Variants in CCSER1 observed in about 807,000 individuals in gnomAD.
CCSER1 encodes serine-rich coiled-coil domain-containing protein 1.
CCSER1 carries 41 observed loss-of-function variants against 82.0 expected under a neutral mutation model. The observed-to-expected ratio is 0.50, with a 90% CI of 0.39 to 0.65. CCSER1 has a LOEUF of 0.65. Among genes scored for constraint, CCSER1 ranks in the 30% least tolerant of loss-of-function variants. The pLI, the probability that CCSER1 is intolerant of heterozygous loss-of-function variation, is 0.00. For synonymous variants in CCSER1, 414 were observed against 383.9 expected, an observed-to-expected ratio of 1.08 and a Z score of -0.92; for missense variants, 1,119 against 1,064.2, an observed-to-expected ratio of 1.05 and a Z score of -0.72.
At chr4:90,156,186 G>A (rs921426072) in intron 1 of CCSER1, among the ~76,000 whole-genome samples, 6 of 152,054 alleles carry the variant, frequency 3.9e-5, no homozygotes, top group Non-Finnish European at 7.4e-5. Flanking sequence ...AGCAGTTTTG[G>A]GTGAGTTTCT....
At chr4:90,931,738 C>A (rs1729847314) in intron 9 of CCSER1, among the ~76,000 whole-genome samples, 1 of 152,054 alleles carries the variant, frequency 6.6e-6, no homozygotes, top group African/African-American at 2.4e-5. Context: ...GATTTAGATG[C>A]ACAAAAAGGG....
intron 9 of CCSER1, among the ~76,000 whole-genome samples, chr4:90,964,511 G>C (rs112728034): frequency 6.6e-6 from 1 of 151,324 alleles, no homozygotes; most frequent in African/African-American, 2.5e-5. Flanking sequence ...AGATCACGAG[G>C]TCAGGAGATC....
chr4:90,770,088 G>T (rs947981761), intron 7 of CCSER1, among the ~76,000 whole-genome samples: 8 of 152,172 alleles, frequency 5.3e-5, no homozygotes, highest in African/African-American at 9.6e-5. Flanking sequence ...TCCTGGGAAT[G>T]CTTCCATGTC....
chr4:91,548,764 C>G lies in CCSER1; in HGVS notation c.2218-49808C>G, dbSNP rs192586561. On this transcript the variant is annotated intron_variant, in intron 10 of 10. Transcript: ENST00000509176. ...TTCTCTGTAGGTAAAGTGTCTCCCC[C>G]ACACCATCCCCCTGGCTTCTTTTGT... Among the ~76,000 whole-genome samples the G allele has an allele frequency of 1.5e-3, 223 of 152,104 alleles. 2 individuals carry two copies. The highest frequency in any genetic ancestry group is 5.1e-3 in the African/African-American group (213 of 41,510).
At chr4:90,422,430 CAAAACAT>C (rs1756838259) in intron 4 of CCSER1, among the ~76,000 whole-genome samples, 1 of 151,950 alleles carries the variant, frequency 6.6e-6, no homozygotes, top group Admixed American at 6.6e-5. Flanking sequence ...CTCATCTTTA[CAAAACAT>C]AAAAGAAATT....
chr4:91,219,193 A>G (rs1737533169), intron 10 of CCSER1, among the ~76,000 whole-genome samples: 1 of 151,574 alleles, frequency 6.6e-6, no homozygotes, highest in Non-Finnish European at 1.5e-5. Flanking sequence ...CTCAAAATTC[A>G]TTTTCAAATA....
At chr4:91,110,059 G>T (rs2148869780) in intron 10 of CCSER1, among the ~76,000 whole-genome samples, 1 of 151,998 alleles carries the variant, frequency 6.6e-6, no homozygotes, top group East Asian at 1.9e-4. Flanking sequence ...GCAAATTAAA[G>T]AAATTTAGCA....
intron 8 of CCSER1, among the ~76,000 whole-genome samples, chr4:90,826,928 G>A (rs970763523): frequency 5.3e-5 from 8 of 152,282 alleles, no homozygotes; most frequent in African/African-American, 1.9e-4. Context: ...TACTGGCAAA[G>A]CCGGTCCCCC....
chr4:90,263,640 A>G (rs111477746), intron 1 of CCSER1, among the ~76,000 whole-genome samples: 6,808 of 151,912 alleles, frequency 0.045, 396 homozygotes, highest in African/African-American at 0.13. Context: ...GAGTTGATTG[A>G]CCTCCAACAG....
intron 10 of CCSER1, among the ~76,000 whole-genome samples, chr4:91,502,352 T>C (rs1335883308): frequency 6.6e-6 from 1 of 152,192 alleles, no homozygotes; most frequent in Non-Finnish European, 1.5e-5. Context: ...ATCCTTACAA[T>C]ACATAGTGTA....
chr4:91,347,730 C>G (rs952504924), intron 10 of CCSER1, among the ~76,000 whole-genome samples: 2 of 151,696 alleles, frequency 1.3e-5, no homozygotes, highest in Non-Finnish European at 2.9e-5. Flanking sequence ...TTGAGATGTA[C>G]TAATTTAAAT....
chr4:91,382,207 C>T (rs1750955004), intron 10 of CCSER1, among the ~76,000 whole-genome samples: 1 of 152,080 alleles, frequency 6.6e-6, no homozygotes, highest in African/African-American at 2.4e-5. Flanking sequence ...GGGAGAACCA[C>T]TACTCTCTTC....
chr4:91,017,557 CTGTCATTTGA>C (rs1409779185), intron 9 of CCSER1, among the ~76,000 whole-genome samples: 2 of 152,060 alleles, frequency 1.3e-5, no homozygotes, highest in African/African-American at 4.8e-5. Context: ...TATTCTTAAC[CTGTCATTTGA>C]ATATGTCAGA....
chr4:91,246,795 A>T (rs953488644), intron 10 of CCSER1, among the ~76,000 whole-genome samples: 2 of 150,718 alleles, frequency 1.3e-5, no homozygotes, highest in African/African-American at 4.9e-5. Context: ...CAGAAAATTT[A>T]AAAAAAGGCA....
At chr4:91,113,963 C>T (rs958166102) in intron 10 of CCSER1, among the ~76,000 whole-genome samples, 8 of 152,046 alleles carry the variant, frequency 5.3e-5, no homozygotes, top group African/African-American at 1.4e-4. Flanking sequence ...CGCCGTTCTC[C>T]TGCCTCAGCC....
chr4:90,729,810 A>T lies in CCSER1; in HGVS notation c.2010+5819A>T, dbSNP rs562240082. 6.1e-3 allele frequency among the ~76,000 whole-genome samples: 925 copies of T among 152,298 alleles called. 6 individuals are homozygous for T. Among genetic ancestry groups the T allele is most frequent in the African/African-American group, 0.017 (690 of 41,564 alleles). Reference sequence around the variant, plus strand: ...AGAATGGCGTGAACCCAGGAGGTGGAGCTTGCAGTGAGCGGAGATAGCACC... The same window carrying T: ...AGAATGGCGTGAACCCAGGAGGTGGTGCTTGCAGTGAGCGGAGATAGCACC... On this transcript the variant is annotated intron_variant, in intron 7 of 10. Transcript: ENST00000509176.
chr4:90,403,616 A>C (rs532148985), intron 4 of CCSER1, among the ~76,000 whole-genome samples: 1 of 152,290 alleles, frequency 6.6e-6, no homozygotes, highest in East Asian at 1.9e-4. Flanking sequence ...TTTTAATAAA[A>C]GAACAGCGAT....
intron 10 of CCSER1, among the ~76,000 whole-genome samples, chr4:91,493,748 C>T (rs559625071): frequency 6.6e-6 from 1 of 151,706 alleles, no homozygotes; most frequent in East Asian, 1.9e-4. Context: ...TTCATCAACT[C>T]ATGAGGTGAT....
intron 3 of CCSER1, among the ~76,000 whole-genome samples, chr4:90,351,401 G>A (rs928354492): frequency 1.3e-5 from 2 of 152,126 alleles, no homozygotes. Flanking sequence ...ATGAAGCCAT[G>A]AGAAGCTGTA....
Sources: allele counts gnomAD v4.1 joint callset (sites outside exome capture counted in the v4.1 genomes callset), GRCh38; gene constraint gnomAD v4.1.1; transcripts MANE v1.5; gene names NCBI Gene and HGNC (gene_info 2026-07-23, HGNC 2026-07-21).